The following EFNA5 variants were observed in gnomAD, a reference collection of about 807,000 sequenced individuals.
EFNA5 encodes ephrin-A5.
EFNA5 carries 5 observed loss-of-function variants against 22.9 expected under a neutral mutation model. The observed-to-expected ratio is 0.22, with a 90% CI of 0.11 to 0.46. The LOEUF is 0.46. Ranked by LOEUF, EFNA5 falls within the 20% of genes least tolerant of loss-of-function variation. EFNA5 has a pLI of 0.99. For synonymous variants in EFNA5, 113 were observed against 112.2 expected (o/e 1.01, Z -0.04); for missense variants, 237 against 293.3 (o/e 0.81, Z 1.40).
At chr5:107,565,907 T>C (rs1748656229) in intron 1 of EFNA5, among the ~76,000 whole-genome samples, 1 of 152,238 alleles carries the variant, frequency 6.6e-6, no homozygotes, top group African/African-American at 2.4e-5. Context: ...AATTTTACTT[T>C]AGCTGCTGCT....
At chr5:107,493,199 GTTTT>G (rs1406331907) in intron 1 of EFNA5, among the ~76,000 whole-genome samples, 1 of 143,324 alleles carries the variant, frequency 7.0e-6, no homozygotes, top group African/African-American at 2.9e-5. Flanking sequence ...CACCATAGTT[GTTTT>G]TTGTTTTTTG....
chr5:107,655,901 T>C (rs1277115106), intron 1 of EFNA5, among the ~76,000 whole-genome samples: 1 of 152,148 alleles, frequency 6.6e-6, no homozygotes, highest in Non-Finnish European at 1.5e-5. Flanking sequence ...AATGTGTGTA[T>C]AATATGTACT....
Position 107,417,385 on chromosome 5 carries a change from A to G in EFNA5, c.418+9832T>C, listed in dbSNP as rs1420420842. 2.0e-5 allele frequency among the ~76,000 whole-genome samples: 3 copies of G among 152,180 alleles called. No individual in the cohort carries two copies. In the East Asian group the frequency reaches 5.8e-4, roughly 29 times the overall value. On this transcript the variant is annotated intron_variant, in intron 2 of 4. Coordinates refer to ENST00000333274, the MANE Select transcript of EFNA5 (RefSeq NM_001962.3). Reference sequence around the variant, plus strand: ...AAAACCAAACCCATACATAGCATACATATTAAAGTTCTGTTCCTAATGTGG... The same window carrying G: ...AAAACCAAACCCATACATAGCATACGTATTAAAGTTCTGTTCCTAATGTGG...
intron 2 of EFNA5, among the ~76,000 whole-genome samples, chr5:107,420,925 A>T (rs1561378646): frequency 6.6e-6 from 1 of 152,150 alleles, no homozygotes; most frequent in Non-Finnish European, 1.5e-5. Flanking sequence ...CTATATTCTG[A>T]ATTCTAAACA....
intron 1 of EFNA5, among the ~76,000 whole-genome samples, chr5:107,604,485 G>A (rs1749670741): frequency 6.6e-6 from 1 of 152,152 alleles, no homozygotes; most frequent in Non-Finnish European, 1.5e-5. Context: ...ACTAGTCTCA[G>A]TGAAGGAAAT....
chr5:107,581,984 CAAAG>C (rs1317816895), intron 1 of EFNA5, among the ~76,000 whole-genome samples: 1 of 152,068 alleles, frequency 6.6e-6, no homozygotes, highest in Non-Finnish European at 1.5e-5. Flanking sequence ...TCTATCTCTA[CAAAG>C]AAAGGGAGAA....
chr5:107,437,234 G>A (rs1749136063), intron 1 of EFNA5, among the ~76,000 whole-genome samples: 1 of 152,138 alleles, frequency 6.6e-6, no homozygotes, highest in Admixed American at 6.5e-5. Context: ...ATCAGACAAG[G>A]GGAAGCATAT....
At chr5:107,554,845 C>A (rs918518586) in intron 1 of EFNA5, among the ~76,000 whole-genome samples, 3 of 152,128 alleles carry the variant, frequency 2.0e-5, no homozygotes, top group Non-Finnish European at 2.9e-5. Flanking sequence ...AATGCCCGAG[C>A]CAAGATGCAA....
At chr5:107,417,059 A>G (rs1748522684) in intron 2 of EFNA5, among the ~76,000 whole-genome samples, 1 of 152,162 alleles carries the variant, frequency 6.6e-6, no homozygotes, top group African/African-American at 2.4e-5. Flanking sequence ...TATTGGAGGT[A>G]CTAAAAATTG....
At chr5:107,437,217 T>G (rs149498) in intron 1 of EFNA5, among the ~76,000 whole-genome samples, 45,110 of 152,180 alleles carry the variant, frequency 0.3, 7,321 homozygotes, top group East Asian at 0.53. Flanking sequence ...TTTTATGTTT[T>G]ATCTTCATCA....
At chr5:107,446,717 G>C (rs1749409210) in intron 1 of EFNA5, among the ~76,000 whole-genome samples, 1 of 151,970 alleles carries the variant, frequency 6.6e-6, no homozygotes, top group Non-Finnish European at 1.5e-5. Flanking sequence ...TCACGCCACT[G>C]CACTCCAGCC....
intron 1 of EFNA5, among the ~76,000 whole-genome samples, chr5:107,538,465 C>T (rs1446930578): frequency 6.6e-6 from 1 of 152,134 alleles, no homozygotes; most frequent in Non-Finnish European, 1.5e-5. Context: ...ATTGAATATT[C>T]CATTACTGAG....
chr5:107,476,104 T>C (rs1230421154), intron 1 of EFNA5, among the ~76,000 whole-genome samples: 1 of 95,276 alleles, frequency 1.0e-5, no homozygotes, highest in Non-Finnish European at 2.1e-5. Flanking sequence ...CAGGCTGGAG[T>C]GTAATGGCGC....
chr5:107,469,876 G>A (rs903922095), intron 1 of EFNA5, among the ~76,000 whole-genome samples: 2 of 152,020 alleles, frequency 1.3e-5, no homozygotes, highest in Admixed American at 1.3e-4. Flanking sequence ...TTCTCCATTT[G>A]GAAGCTTCAA....
intron 1 of EFNA5, among the ~76,000 whole-genome samples, chr5:107,559,252 C>G (rs1015681309): frequency 3.9e-5 from 6 of 152,342 alleles, no homozygotes; most frequent in African/African-American, 1.4e-4. Flanking sequence ...CTCCAAAACC[C>G]TTCTTCATGG....
chr5:107,421,062 G>A (rs989644742), intron 2 of EFNA5, among the ~76,000 whole-genome samples: 1 of 152,120 alleles, frequency 6.6e-6, no homozygotes, highest in Non-Finnish European at 1.5e-5. Context: ...TAACTGTATT[G>A]TACAATCAAA....
intron 4 of EFNA5, among the ~76,000 whole-genome samples, chr5:107,386,148 C>CA (rs33964723): frequency 0.18 from 14,463 of 79,644 alleles, 1,484 homozygotes; most frequent in East Asian, 0.36. Context: ...AGAAATTCTA[C>CA]AAAAAAAAAA....
rs1379920851 is a variant in EFNA5, at chr5:107,380,028, G to GA, written c.*1226dup. 1 of 151,960 alleles carries GA rather than the reference G, an allele frequency of 6.6e-6. No homozygotes were observed. The highest frequency in any genetic ancestry group is 2.4e-5 in the African/African-American group (1 of 41,318). 9.4% of individuals were successfully genotyped at this position (151,960 alleles called of 1,614,324 possible). ...GGGAAAGAATATAAAATCAACACTT[G>GA]AATTTTTTTACTCCAAACTTTGGAA... On this transcript the variant is annotated 3_prime_UTR_variant, in exon 5 of 5. Coordinates refer to ENST00000333274, the MANE Select transcript of EFNA5 (RefSeq NM_001962.3).
intron 1 of EFNA5, among the ~76,000 whole-genome samples, chr5:107,663,994 C>T (rs998994865): frequency 1.6e-4 from 24 of 152,190 alleles, no homozygotes; most frequent in African/African-American, 5.5e-4. Flanking sequence ...AGCTAACCAT[C>T]ACTGTGGTAC....
Sources: gnomAD v4.1 joint callset for allele counts (sites outside exome capture counted in the v4.1 genomes callset) on GRCh38, gnomAD v4.1.1 for gene constraint, MANE v1.5 for transcripts, NCBI Gene and HGNC (gene_info 2026-07-23, HGNC 2026-07-21) for gene names.